The following OSBPL1A variants were observed in gnomAD, a reference collection of about 807,000 sequenced individuals.
The protein encoded by OSBPL1A is oxysterol binding protein like 1A.
Under a neutral mutation model 137.1 loss-of-function variants are expected in OSBPL1A, and 80 were observed. The observed-to-expected ratio is 0.58, with a 90% CI of 0.49 to 0.70. The LOEUF is 0.70. OSBPL1A is among the 30% of genes least tolerant of loss of function. The probability of loss-of-function intolerance (pLI) is 0.00; values close to 1 mark genes in which losing one functional copy is unlikely to be tolerated. For missense variants in OSBPL1A, 970 were observed against 1,129.4 expected, an observed-to-expected ratio of 0.86 and a Z score of 2.02; for synonymous variants, 365 against 389.7, an observed-to-expected ratio of 0.94 and a Z score of 0.75.
intron 17 of OSBPL1A, among the ~76,000 whole-genome samples, chr18:24,198,168 G>A (rs1006090760): frequency 6.6e-6 from 1 of 152,184 alleles, no homozygotes; most frequent in Non-Finnish European, 1.5e-5. Flanking sequence ...AGAAGCTTGT[G>A]AAGAGGGAAT....
intron 17 of OSBPL1A, among the ~76,000 whole-genome samples, chr18:24,199,799 CAG>C (rs928220631): frequency 1.3e-5 from 2 of 152,106 alleles, no homozygotes; most frequent in Non-Finnish European, 2.9e-5. Flanking sequence ...GGGTTTCAGA[CAG>C]AGGCTGGAGG....
At chr18:24,222,362 AC>A (rs1460773426) in intron 17 of OSBPL1A, among the ~76,000 whole-genome samples, 1 of 152,138 alleles carries the variant, frequency 6.6e-6, no homozygotes, top group African/African-American at 2.4e-5. Context: ...AGTATCATCT[AC>A]CCTGTATTTG....
chr18:24,163,363 T>A, intron 27 of OSBPL1A, 82 bp from the exon 28 acceptor site: 2 of 978,770 alleles, frequency 2.0e-6, no homozygotes, highest in African/African-American at 1.6e-5. Flanking sequence ...GCAGTATTAT[T>A]CTATTGCAGC....
chr18:24,214,851 T>C (rs1318671138), intron 17 of OSBPL1A, among the ~76,000 whole-genome samples: 5 of 152,220 alleles, frequency 3.3e-5, no homozygotes, highest in Admixed American at 6.5e-5. Context: ...AATATGACTG[T>C]GTTGCTTTTC....
intron 17 of OSBPL1A, among the ~76,000 whole-genome samples, chr18:24,223,520 T>A (rs1170825903): frequency 3.9e-5 from 6 of 152,272 alleles, no homozygotes; most frequent in African/African-American, 1.4e-4. Flanking sequence ...CCTGCTTGCA[T>A]TTCTTTGTAT....
rs80259344 is a variant in OSBPL1A at position 24,285,544 on chromosome 18, T to A, written c.1175-4596A>T. On this transcript the variant is annotated intron_variant, in intron 14 of 27. Coordinates refer to ENST00000319481, the MANE Select transcript of OSBPL1A (RefSeq NM_080597.4). ...TTTTGCCTGTTTTTCAACATTTAACTGAAATATTTCCATCATTTGGGACAA... is the reference window on the plus strand; with the variant it reads ...TTTTGCCTGTTTTTCAACATTTAACAGAAATATTTCCATCATTTGGGACAA... 1.3e-3 allele frequency among the ~76,000 whole-genome samples: 196 copies of A among 152,340 alleles called. 3 individuals are homozygous for A. In the East Asian group the frequency reaches 0.033, roughly 25 times the overall value.
chr18:24,218,264 AG>A (rs1306377782), intron 17 of OSBPL1A: 1 of 152,226 alleles, frequency 6.6e-6, no homozygotes, highest in East Asian at 1.9e-4. Flanking sequence ...CCACTGTTTT[AG>A]AGATACATAC....
intron 16 of OSBPL1A, among the ~76,000 whole-genome samples, chr18:24,230,740 T>C (rs916090544): frequency 4.6e-5 from 7 of 151,848 alleles, no homozygotes; most frequent in African/African-American, 1.7e-4. Flanking sequence ...CACTCAAAAA[T>C]TTTAGGAAAC....
chr18:24,218,633 C>T lies in OSBPL1A; in HGVS notation c.1601+6409G>A, dbSNP rs1203062724. Among the ~76,000 whole-genome samples the T allele has an allele frequency of 2.0e-5, 3 of 151,790 alleles. No homozygotes were observed. The South Asian group carries it at 6.2e-4, about 32-fold the overall frequency. On this transcript the variant is annotated intron_variant, in intron 17 of 27. Coordinates refer to ENST00000319481, the MANE Select transcript of OSBPL1A (RefSeq NM_080597.4). ...TAATTTTTGTATTTTTTGGTAGAGA[C>T]GGGGGTTTCACTATGTTGGCCAGGC...
At chr18:24,328,218 ATT>A (rs564798076) in intron 7 of OSBPL1A, among the ~76,000 whole-genome samples, 11 of 48,608 alleles carry the variant, frequency 2.3e-4, no homozygotes, top group South Asian at 1.3e-3. Flanking sequence ...AATTTTTTGT[ATT>A]TTTTTTTTTT....
At chr18:24,389,140 C>A (rs1045898873) in intron 1 of OSBPL1A, among the ~76,000 whole-genome samples, 2 of 152,198 alleles carry the variant, frequency 1.3e-5, no homozygotes, top group Non-Finnish European at 2.9e-5. Flanking sequence ...TGGATTGCAG[C>A]CATTTCTATC....
chr18:24,384,634 C>A (rs1403917571), intron 1 of OSBPL1A, among the ~76,000 whole-genome samples: 2 of 151,806 alleles, frequency 1.3e-5, no homozygotes, highest in Non-Finnish European at 2.9e-5. Context: ...CTTTGCGAGG[C>A]CAAGATGGGC....
At chr18:24,219,552 A>G (rs1342512887) in intron 17 of OSBPL1A, among the ~76,000 whole-genome samples, 1 of 152,152 alleles carries the variant, frequency 6.6e-6, no homozygotes, top group Non-Finnish European at 1.5e-5. Context: ...CTTACAGATT[A>G]TGGCTGCCCT....
At chr18:24,364,514 AAGAGGC>A (rs2091673787) in intron 4 of OSBPL1A, among the ~76,000 whole-genome samples, 1 of 152,320 alleles carries the variant, frequency 6.6e-6, no homozygotes, top group South Asian at 2.1e-4. Flanking sequence ...CCAGCTACTC[AAGAGGC>A]TGAGGTAGGA....
chr18:24,391,711 C>T (rs781562412), intron 1 of OSBPL1A, among the ~76,000 whole-genome samples: 1 of 151,872 alleles, frequency 6.6e-6, no homozygotes, highest in Admixed American at 6.6e-5. Context: ...CTCTGGGCCA[C>T]AGAATGAAAC....
intron 17 of OSBPL1A, among the ~76,000 whole-genome samples, chr18:24,209,040 T>G (rs1453682615): frequency 1.3e-5 from 2 of 152,148 alleles, no homozygotes; most frequent in Non-Finnish European, 2.9e-5. Context: ...AAGAGAGCAC[T>G]AACATAATAG....
intron 4 of OSBPL1A, among the ~76,000 whole-genome samples, chr18:24,349,183 C>G (rs531069517): frequency 5.3e-4 from 80 of 152,076 alleles, no homozygotes; most frequent in African/African-American, 1.9e-3. Flanking sequence ...AAAAAAAAGT[C>G]TTACTCATGC....
At chr18:24,252,472 CA>C (rs1325504224) in intron 15 of OSBPL1A, among the ~76,000 whole-genome samples, 2 of 151,524 alleles carry the variant, frequency 1.3e-5, no homozygotes, top group African/African-American at 4.9e-5. Flanking sequence ...GTATATCTTG[CA>C]AAAAATATCC....
At chr18:24,220,961 A>G (rs1438284595) in intron 17 of OSBPL1A, among the ~76,000 whole-genome samples, 1 of 151,986 alleles carries the variant, frequency 6.6e-6, no homozygotes, top group African/African-American at 2.4e-5. Context: ...TTGTGTTTGT[A>G]GTAGAAACGG....
Sources: gnomAD v4.1 joint callset for allele counts (sites outside exome capture counted in the v4.1 genomes callset) on GRCh38, gnomAD v4.1.1 for gene constraint, MANE v1.5 for transcripts, NCBI Gene and HGNC (gene_info 2026-07-23, HGNC 2026-07-21) for gene names.